The following MGST1 variants were observed in gnomAD, a reference collection of about 807,000 sequenced individuals.
MGST1 encodes microsomal glutathione S-transferase 1.
In MGST1, 5 loss-of-function variants were observed where a neutral mutation model predicts 8.9. That is an observed-to-expected ratio of 0.56 (90% CI 0.29 to 1.19). The LOEUF is 1.19. MGST1 is among the 50% of genes most tolerant of loss of function. The probability of loss-of-function intolerance (pLI) is 0.08; values close to 1 mark genes in which losing one functional copy is unlikely to be tolerated. For missense variants in MGST1, 182 were observed against 187.4 expected (o/e 0.97, Z 0.17); for synonymous variants, 54 against 67.8 (o/e 0.80, Z 1.00).
At chr12:16,453,778 C>T (rs537882898) in intron 4 of MGST1, among the ~76,000 whole-genome samples, 175 of 151,930 alleles carry the variant, frequency 1.2e-3, no homozygotes, top group African/African-American at 2.1e-3. Flanking sequence ...CCTTCATCTT[C>T]GCCTGGCATT....
chr12:16,417,611 T>C (rs1351046094), intron 1 of MGST1, among the ~76,000 whole-genome samples: 1 of 152,186 alleles, frequency 6.6e-6, no homozygotes, highest in Non-Finnish European at 1.5e-5. Context: ...GCTGATTTAG[T>C]ACTCTTTCTA....
intron 1 of MGST1, among the ~76,000 whole-genome samples, chr12:16,423,397 A>G (rs893515464): frequency 5.3e-5 from 8 of 152,192 alleles, no homozygotes; most frequent in Non-Finnish European, 8.8e-5. Flanking sequence ...ACAAAAAACA[A>G]TTCTCTGATA....
chr12:16,509,742 C>T (rs2049945371), intron 4 of MGST1, among the ~76,000 whole-genome samples: 2 of 152,166 alleles, frequency 1.3e-5, no homozygotes. Flanking sequence ...ATGTTGGTCT[C>T]TTGTGCCTGA....
At chr12:16,487,415 C>T (rs1024711991) in intron 4 of MGST1, among the ~76,000 whole-genome samples, 4 of 151,942 alleles carry the variant, frequency 2.6e-5, no homozygotes, top group Admixed American at 6.5e-5. Flanking sequence ...AAGAAAGACT[C>T]TCCAACTAAC....
chr12:16,357,499 G>T (rs1458776949), intron 2 of MGST1, 106 bp from the exon 3 acceptor site: 4 of 814,764 alleles, frequency 4.9e-6, no homozygotes, highest in Admixed American at 5.9e-5. Context: ...GAATTCTTGG[G>T]CTCAAGCAAT....
intron 4 of MGST1, among the ~76,000 whole-genome samples, chr12:16,572,496 T>G (rs1942851087): frequency 1.3e-5 from 2 of 150,104 alleles, no homozygotes; most frequent in African/African-American, 4.9e-5. Context: ...TTATTTGAAG[T>G]ACTTCTTAGA....
rs908862388 is a variant in MGST1 at position 16,576,051 on chromosome 12, C to T, written n.483-13477C>T. Among the ~76,000 whole-genome samples the T allele has an allele frequency of 1.3e-5, 2 of 152,170 alleles. No individual in the cohort carries two copies. Among genetic ancestry groups the T allele is most frequent in the African/African-American group, 4.8e-5 (2 of 41,456 alleles). ...GCTGTGTTAAAAGGGGATCTGTCCT[C>T]TTTTGTCTCAGTAAGCTACTTCTAG... On this transcript the variant is annotated intron_variant and non_coding_transcript_variant, in intron 4 of 4. Transcript: ENST00000538857. This position sits in a 1 kb window ranked among gnomAD's most constrained non-coding sequence, Gnocchi z 4.1.
In MGST1 at chr12:16,544,378, T is replaced by C. The variant is rs564537811; in HGVS notation, n.483-45150T>C. Among the ~76,000 whole-genome samples the C allele has an allele frequency of 6.6e-6, 1 of 152,110 alleles. No homozygotes were observed. Among genetic ancestry groups the C allele is most frequent in the African/African-American group, 2.4e-5 (1 of 41,512 alleles). On this transcript the variant is annotated intron_variant and non_coding_transcript_variant, in intron 4 of 4. Transcript: ENST00000538857. The surrounding 1 kb of genome is among the most constrained non-coding windows in gnomAD (Gnocchi z 4.8). ...AATGTTAATGCATACAAAAGAGTTG[T>C]CATACAAAAGAGAAAAAGCCAAATA...
intron 4 of MGST1, among the ~76,000 whole-genome samples, chr12:16,493,943 G>A (rs1941454968): frequency 6.6e-6 from 1 of 152,082 alleles, no homozygotes; most frequent in South Asian, 2.1e-4. Flanking sequence ...ATTGTCTCAA[G>A]GGGGAGATTT....
chr12:16,424,784 A>G (rs1461092734), intron 1 of MGST1, among the ~76,000 whole-genome samples: 1 of 152,174 alleles, frequency 6.6e-6, no homozygotes, highest in East Asian at 1.9e-4. Context: ...CCCCACCATC[A>G]TTAAAATGAG....
rs1329927443 is a variant in MGST1, at chr12:16,576,505, GAATA to G, written n.483-13017_483-13014del. On this transcript the variant is annotated intron_variant and non_coding_transcript_variant, in intron 4 of 4. Coordinates refer to the MGST1 transcript ENST00000538857. The surrounding 1 kb of genome is among the most constrained non-coding windows in gnomAD (Gnocchi z 4.1). Reference sequence around the variant, plus strand: ...AAGCCTCTCTGATTTCCTTGAGGCAGAATAAATAACACACTTCTTTAGACATTTA... The same window carrying G: ...AAGCCTCTCTGATTTCCTTGAGGCAGAATAACACACTTCTTTAGACATTTA... Among the ~76,000 whole-genome samples the G allele has an allele frequency of 6.6e-6, 1 of 152,168 alleles. No individual in the cohort carries two copies. Among genetic ancestry groups the G allele is most frequent in the Admixed American group, 6.5e-5 (1 of 15,270 alleles).
rs1941843500 is a variant in MGST1 at position 16,547,724 on chromosome 12, T to TAAGA, written n.483-41801_483-41798dup. On this transcript the variant is annotated intron_variant and non_coding_transcript_variant, in intron 4 of 4. Coordinates refer to the MGST1 transcript ENST00000538857. The surrounding 1 kb of genome is among the most constrained non-coding windows in gnomAD (Gnocchi z 4.6). The stretch of plus-strand genomic sequence containing the variant: ...CATTTAAAAAATATAACAATGTTTT[T>TAAGA]AAGAAAAAGTAATGATCAAAAAGGC... Among the ~76,000 whole-genome samples, 1 of 152,196 alleles carries TAAGA rather than the reference T, an allele frequency of 6.6e-6. No homozygotes were observed. Among genetic ancestry groups the TAAGA allele is most frequent in the Non-Finnish European group, 1.5e-5 (1 of 68,024 alleles).
chr12:16,398,912 C>G, intron 1 of MGST1, among the ~76,000 whole-genome samples: 1 of 152,154 alleles, frequency 6.6e-6, no homozygotes, highest in East Asian at 1.9e-4. Flanking sequence ...TTAAGGGTCA[C>G]CTTGTACCAC....
chr12:16,430,339 G>C (rs553509495), intron 1 of MGST1, among the ~76,000 whole-genome samples: 2 of 152,228 alleles, frequency 1.3e-5, no homozygotes, highest in South Asian at 4.1e-4. Flanking sequence ...AATCACCAAT[G>C]TTCTTAAGGG....
chr12:16,494,370 C>T (rs1941457263), intron 4 of MGST1, among the ~76,000 whole-genome samples: 1 of 152,096 alleles, frequency 6.6e-6, no homozygotes, highest in African/African-American at 2.4e-5. Context: ...TGAAACATAT[C>T]TAAGATCTGA....
At chr12:16,506,169 T>C in intron 4 of MGST1, among the ~76,000 whole-genome samples, 1 of 152,150 alleles carries the variant, frequency 6.6e-6, no homozygotes, top group Non-Finnish European at 1.5e-5. Context: ...ATATGAAAGA[T>C]AAAGAACTTT....
intron 2 of MGST1, 84 bp from the exon 3 acceptor site, chr12:16,357,521 C>T: frequency 2.0e-6 from 2 of 1,024,066 alleles, no homozygotes; most frequent in East Asian, 5.3e-5. Context: ...CTGCCTCAGC[C>T]TCACAAAGCG....
chr12:16,586,202 CTA>C lies in MGST1; in HGVS notation n.483-3324_483-3323del, dbSNP rs774724924. Among the ~76,000 whole-genome samples the C allele has an allele frequency of 5.0e-3, 759 of 152,308 alleles. 2 individuals are homozygous for C. The highest frequency in any genetic ancestry group is 7.1e-3 in the Non-Finnish European group (485 of 68,032). On this transcript the variant is annotated intron_variant and non_coding_transcript_variant, in intron 4 of 4. Coordinates refer to the MGST1 transcript ENST00000538857. This position sits in a 1 kb window ranked among gnomAD's most constrained non-coding sequence, Gnocchi z 4.3. ...TTTTTCAGGTAATCTGCCATAAATA[CTA>C]TTTCCTTCAGATGACTTCTTAAAAC...
intron 1 of MGST1, among the ~76,000 whole-genome samples, chr12:16,384,469 A>C (rs1403716681): frequency 6.6e-6 from 1 of 152,206 alleles, no homozygotes. Flanking sequence ...CACAGCCCCA[A>C]GCCAAGGAAT....
Sources: allele counts gnomAD v4.1 joint callset (sites outside exome capture counted in the v4.1 genomes callset), GRCh38; gene constraint gnomAD v4.1.1; non-coding constraint Gnocchi (gnomAD v3.1); transcripts MANE v1.5; gene names NCBI Gene and HGNC (gene_info 2026-07-23, HGNC 2026-07-21).